The following ADAM12 variants were observed in gnomAD, a reference collection of about 807,000 sequenced individuals.
ADAM12 encodes the protein ADAM metallopeptidase domain 12.
In ADAM12, 70 loss-of-function variants were observed where a neutral mutation model predicts 106.4. That is an observed-to-expected ratio of 0.66 (90% CI 0.54 to 0.80). ADAM12 has a LOEUF of 0.80. Among genes scored for constraint, ADAM12 ranks in the 30% least tolerant of loss-of-function variants. The pLI, the probability that ADAM12 is intolerant of heterozygous loss-of-function variation, is 0.00. For synonymous variants in ADAM12, 420 were observed against 433.5 expected (o/e 0.97, Z 0.39); for missense variants, 1,010 against 1,171.9 (o/e 0.86, Z 2.02).
chr10:126,179,087 C>T (rs1354870107), intron 3 of ADAM12, among the ~76,000 whole-genome samples: 1 of 151,904 alleles, frequency 6.6e-6, no homozygotes, highest in Non-Finnish European at 1.5e-5. Flanking sequence ...AAGAAAATAT[C>T]CACTCAAGCA....
intron 3 of ADAM12, among the ~76,000 whole-genome samples, chr10:126,271,591 C>T (rs1185067020): frequency 6.6e-6 from 1 of 152,166 alleles, no homozygotes; most frequent in Non-Finnish European, 1.5e-5. Context: ...ATGGTGAAAC[C>T]CGGTCTCTAC....
At chr10:126,386,154 G>C (rs769008391) in intron 1 of ADAM12, among the ~76,000 whole-genome samples, 6 of 152,240 alleles carry the variant, frequency 3.9e-5, no homozygotes, top group Middle Eastern at 6.8e-3. Flanking sequence ...AGAGGAGGTT[G>C]TTACTGGGTT....
intron 21 of ADAM12, among the ~76,000 whole-genome samples, chr10:126,027,202 A>G (rs1445189808): frequency 1.3e-5 from 2 of 152,222 alleles, no homozygotes; most frequent in Non-Finnish European, 2.9e-5. Context: ...GAATAGGCCA[A>G]TAATGAGTCC....
intron 4 of ADAM12, among the ~76,000 whole-genome samples, chr10:126,140,199 T>C (rs747748068): frequency 6.6e-6 from 1 of 152,210 alleles, no homozygotes; most frequent in Admixed American, 6.5e-5. Context: ...TCCCCCATTT[T>C]AGAGGAATGT....
rs1327715233 is a variant in ADAM12 at position 126,158,564 on chromosome 10, A to C, written c.261-3259T>G. ...GGGGAGGATGCACAGAGCATGGGGC[A>C]GGGATGCACAGAGCCGGGGGTGGGG... On this transcript the variant is annotated intron_variant, in intron 3 of 22. Coordinates refer to ENST00000448723, the MANE Select transcript of ADAM12 (RefSeq NM_001288973.2). Among the ~76,000 whole-genome samples, 36 of 81,784 alleles carry C rather than the reference A, an allele frequency of 4.4e-4. 1 individual carries two copies. The highest frequency in any genetic ancestry group is 1.7e-3 in the African/African-American group (36 of 21,454). 53.7% of individuals were successfully genotyped at this position (81,784 alleles called of 152,430 possible).
At chr10:126,023,873 C>G (rs1297291379) in intron 21 of ADAM12, among the ~76,000 whole-genome samples, 1 of 148,280 alleles carries the variant, frequency 6.7e-6, no homozygotes, top group Non-Finnish European at 1.5e-5. Flanking sequence ...CATCCTAGGC[C>G]TTGAAGAACT....
chr10:126,141,277 C>T (rs570443624), intron 4 of ADAM12, among the ~76,000 whole-genome samples: 5 of 152,158 alleles, frequency 3.3e-5, no homozygotes, highest in Admixed American at 6.5e-5. Context: ...GCCTCAAGGG[C>T]GCTAAACTGT....
Position 126,118,194 on chromosome 10 carries a change from A to T in ADAM12, c.447T>A (p.Tyr149Ter). The change falls in exon 6 of 23, where the codon TAT becomes TAA. Residue 149 changes from tyrosine (Y) to a stop codon, truncating the protein, a stop_gained. Transcript: ENST00000448723. LOFTEE classifies it high-confidence loss of function. ...TTGCACTTTTCATTGGTTCTAAGAC[A>T]TAGCTTTCATTTTCAAACACAATAA... ...RGLIVFENESYVLEPMKSATN... is the reference protein window; with the variant it reads ...RGLIVFENES 6.2e-7 allele frequency: 1 copy of T among 1,613,958 alleles called. No homozygotes were observed. The highest frequency in any genetic ancestry group is 8.5e-7 in the Non-Finnish European group (1 of 1,179,856).
chr10:126,201,628 C>T (rs1300125325), intron 3 of ADAM12, among the ~76,000 whole-genome samples: 1 of 152,018 alleles, frequency 6.6e-6, no homozygotes, highest in Non-Finnish European at 1.5e-5. Context: ...TACAGCAGCC[C>T]TGGGAGATGG....
intron 2 of ADAM12, among the ~76,000 whole-genome samples, chr10:126,315,043 T>C (rs1197453385): frequency 3.3e-5 from 5 of 152,334 alleles, no homozygotes; most frequent in Middle Eastern, 3.4e-3. Flanking sequence ...TCCAAGTCAC[T>C]GCATTTGAAA....
chr10:126,076,588 G>T (rs1488782347), intron 11 of ADAM12, among the ~76,000 whole-genome samples: 1 of 152,092 alleles, frequency 6.6e-6, no homozygotes, highest in Non-Finnish European at 1.5e-5. Flanking sequence ...TCTCACTGTG[G>T]TTTTGATTTG....
intron 3 of ADAM12, among the ~76,000 whole-genome samples, chr10:126,250,989 A>G (rs1958734438): frequency 6.6e-6 from 1 of 152,238 alleles, no homozygotes; most frequent in South Asian, 2.1e-4. Context: ...CATGGTGCTA[A>G]GAACTTGACA....
intron 2 of ADAM12, among the ~76,000 whole-genome samples, chr10:126,311,435 T>C (rs574735781): frequency 1.3e-5 from 2 of 152,264 alleles, no homozygotes; most frequent in East Asian, 3.9e-4. Flanking sequence ...GTATCTGGTC[T>C]CTGCCCCCTG....
At chr10:126,231,918 T>C (rs1958320020) in intron 3 of ADAM12, among the ~76,000 whole-genome samples, 2 of 150,970 alleles carry the variant, frequency 1.3e-5, no homozygotes, top group Admixed American at 1.3e-4. Flanking sequence ...TCCCCAACTG[T>C]TCTTTCTCAG....
intron 3 of ADAM12, among the ~76,000 whole-genome samples, chr10:126,239,894 G>A: frequency 6.6e-6 from 1 of 152,208 alleles, no homozygotes; most frequent in East Asian, 1.9e-4. Flanking sequence ...CATATAGTAG[G>A]TCCTAGGTGA....
At chr10:126,219,096 G>A (rs1351943579) in intron 3 of ADAM12, among the ~76,000 whole-genome samples, 1 of 152,206 alleles carries the variant, frequency 6.6e-6, no homozygotes, top group Non-Finnish European at 1.5e-5. Context: ...GAACTTCACA[G>A]GTCCCATGCT....
chr10:126,020,285 C>G (rs1285156621), intron 21 of ADAM12, among the ~76,000 whole-genome samples: 3 of 152,226 alleles, frequency 2.0e-5, no homozygotes, highest in African/African-American at 7.2e-5. Flanking sequence ...TGTGCTCAGT[C>G]TGCCACGTGC....
chr10:126,061,398 A>G (rs2133470619), intron 14 of ADAM12, among the ~76,000 whole-genome samples: 1 of 152,360 alleles, frequency 6.6e-6, no homozygotes, highest in Non-Finnish European at 1.5e-5. Context: ...AGCAATTTGC[A>G]GAAGGTCCCT....
intron 14 of ADAM12, among the ~76,000 whole-genome samples, chr10:126,050,973 G>A (rs1954466903): frequency 6.6e-6 from 1 of 152,138 alleles, no homozygotes; most frequent in Non-Finnish European, 1.5e-5. Flanking sequence ...GAGGTCCCTA[G>A]CTCCTCACAT....
Sources: gnomAD v4.1 joint callset for allele counts (sites outside exome capture counted in the v4.1 genomes callset) on GRCh38, gnomAD v4.1.1 for gene constraint, MANE v1.5 for transcripts, NCBI Gene and HGNC (gene_info 2026-07-23, HGNC 2026-07-21) for gene names.